Variants in USP26 observed in about 807,000 individuals in gnomAD.
USP26 encodes ubiquitin carboxyl-terminal hydrolase 26.
For missense variants in USP26, 649 were observed against 642.3 expected (o/e 1.01, Z -0.11); for synonymous variants, 236 against 240.6 (o/e 0.98, Z 0.18).
chrX:133,070,196 G>A (rs1295505440), intron 5 of USP26, among the ~76,000 whole-genome samples: 1 of 111,078 alleles, frequency 9.0e-6, no homozygotes, highest in African/African-American at 3.3e-5. Context: ...GGGTAGAAGG[G>A]GATAGAGAAA....
intron 5 of USP26, among the ~76,000 whole-genome samples, chrX:133,073,536 TA>T (rs2067537154): frequency 9.0e-6 from 1 of 110,678 alleles, no homozygotes; most frequent in African/African-American, 3.3e-5. Flanking sequence ...TAGCGCTTAC[TA>T]CTTTCTACCT....
At chrX:133,043,149 A>G (rs2067425661) in intron 5 of USP26, among the ~76,000 whole-genome samples, 1 of 111,833 alleles carries the variant, frequency 8.9e-6, no homozygotes, top group Non-Finnish European at 1.9e-5. Flanking sequence ...CAGAAAAAGG[A>G]TGAGAATTTT....
In USP26 at chrX:133,069,317, T is replaced by G. The variant is rs750081678; in HGVS notation, c.-77+14390A>C. ...GAGAGGAAAGGAAAACGAATATCTTTTATTTGTTAGAGAACAAATCTAAGG... is the reference window on the plus strand; with the variant it reads ...GAGAGGAAAGGAAAACGAATATCTTGTATTTGTTAGAGAACAAATCTAAGG... On this transcript the variant is annotated intron_variant, in intron 5 of 5. Transcript: ENST00000511190. Among the ~76,000 whole-genome samples the G allele has an allele frequency of 1.7e-4, 19 of 112,019 alleles. 1 individual carries two copies. The highest frequency in any genetic ancestry group is 1.3e-4 in the Non-Finnish European group (7 of 53,211).
At chrX:133,089,163 A>G (rs1413252064) in intron 4 of USP26, among the ~76,000 whole-genome samples, 1 of 111,010 alleles carries the variant, frequency 9.0e-6, no homozygotes, top group East Asian at 2.8e-4. Context: ...ACTTCAGATT[A>G]CATGATGCTA....
intron 4 of USP26, among the ~76,000 whole-genome samples, chrX:133,087,326 T>C (rs2067593164): frequency 1.8e-5 from 2 of 112,461 alleles, no homozygotes; most frequent in African/African-American, 6.5e-5. Flanking sequence ...ATATTTTTCA[T>C]AGAAAGATTA....
intron 1 of USP26, among the ~76,000 whole-genome samples, chrX:133,094,794 A>C (rs975014664): frequency 8.9e-6 from 1 of 111,892 alleles, no homozygotes; most frequent in Non-Finnish European, 1.9e-5. Flanking sequence ...GCATTTTTAC[A>C]TTAAAAATAC....
chrX:133,068,539 C>T (rs2067520028), intron 5 of USP26, among the ~76,000 whole-genome samples: 3 of 113,033 alleles, frequency 2.7e-5, no homozygotes, highest in Non-Finnish European at 5.6e-5. Flanking sequence ...AAGCCTCACC[C>T]TTCTCTCAAT....
chrX:133,043,277 T>G (rs966533798), intron 5 of USP26, among the ~76,000 whole-genome samples: 1 of 112,299 alleles, frequency 8.9e-6, no homozygotes, highest in African/African-American at 3.2e-5. Context: ...AAGCCTACTG[T>G]AGGCCAATGA....
At position 133,024,489 on chromosome X, in the gene USP26, G is replaced by A. The variant is rs1227676846; in HGVS notation, c.*990C>T. ...GGAAATGTGGGCCAATTTCTTAAAA[G>A]CAAATCAATCTGGAGATTTGACTTG... On this transcript the variant is annotated 3_prime_UTR_variant, in exon 6 of 6. Transcript: ENST00000511190. 1 of 111,745 alleles carries A rather than the reference G, an allele frequency of 8.9e-6. No homozygotes were observed. The highest frequency in any genetic ancestry group is 3.2e-5 in the African/African-American group (1 of 30,799). The allele number at this position is 111,745 out of a possible 1,213,427, so 9.2% of individuals were successfully genotyped here.
chrX:133,039,879 A>G (rs2055566105), intron 5 of USP26, among the ~76,000 whole-genome samples: 1 of 111,722 alleles, frequency 9.0e-6, no homozygotes, highest in African/African-American at 3.3e-5. Context: ...GTGCTCCTGT[A>G]TCGGGTGCAT....
At chrX:133,085,773 G>T (rs780127698) in intron 4 of USP26, among the ~76,000 whole-genome samples, 1 of 111,491 alleles carries the variant, frequency 9.0e-6, no homozygotes, top group East Asian at 2.8e-4. Flanking sequence ...AGAAAGCATA[G>T]ATTTACTGCA....
chrX:133,045,626 C>A (rs1377670187), intron 5 of USP26, among the ~76,000 whole-genome samples: 1 of 111,368 alleles, frequency 9.0e-6, no homozygotes, highest in East Asian at 2.8e-4. Context: ...CAACTCCAGA[C>A]GGGCCGCCTT....
chrX:133,041,666 T>C (rs1332730333), intron 5 of USP26, among the ~76,000 whole-genome samples: 1 of 112,486 alleles, frequency 8.9e-6, no homozygotes, highest in African/African-American at 3.2e-5. Context: ...TCAGGAGTCA[T>C]GGAAGACAGG....
At chrX:133,063,054 AAC>A (rs2067498696) in intron 5 of USP26, among the ~76,000 whole-genome samples, 1 of 111,340 alleles carries the variant, frequency 9.0e-6, no homozygotes, top group Non-Finnish European at 1.9e-5. Flanking sequence ...GGAGCTGAAA[AAC>A]ACAGCACAGG....
intron 4 of USP26, among the ~76,000 whole-genome samples, chrX:133,088,798 G>A (rs1187907714): frequency 8.9e-6 from 1 of 112,076 alleles, no homozygotes; most frequent in Non-Finnish European, 1.9e-5. Flanking sequence ...GCAGTGGGTA[G>A]AACAAGTGTG....
chrX:133,060,584 A>T (rs1031844739), intron 5 of USP26, among the ~76,000 whole-genome samples: 12 of 111,827 alleles, frequency 1.1e-4, no homozygotes, highest in African/African-American at 3.9e-4. Context: ...ATTCTAAAAT[A>T]TCTATTTAAA....
At chrX:133,031,847 G>C (rs961933822) in intron 5 of USP26, among the ~76,000 whole-genome samples, 4 of 111,856 alleles carry the variant, frequency 3.6e-5, no homozygotes, top group Admixed American at 1.9e-4. Context: ...AACTGCTAAA[G>C]AAAACAAAGT....
chrX:133,044,579 G>A lies in USP26; in HGVS notation c.-76-16283C>T, dbSNP rs772804312. Among the ~76,000 whole-genome samples the A allele has an allele frequency of 8.8e-5, 10 of 113,207 alleles. No individual in the cohort carries two copies. In the South Asian group the frequency reaches 1.8e-3, roughly 20 times the overall value. On this transcript the variant is annotated intron_variant, in intron 5 of 5. Coordinates refer to ENST00000511190, the MANE Select transcript of USP26 (RefSeq NM_031907.3). ...AGCAGTGCCGGCCCACTGGCGGTGC[G>A]CTCGATTTTTCACACGGCCTTAGCT...
chrX:133,042,141 G>T (rs1244238943), intron 5 of USP26, among the ~76,000 whole-genome samples: 3 of 111,937 alleles, frequency 2.7e-5, no homozygotes, highest in Non-Finnish European at 5.6e-5. Flanking sequence ...TTAGCTTGCT[G>T]GGCTCCATGG....
Sources: gnomAD v4.1 joint callset for allele counts (sites outside exome capture counted in the v4.1 genomes callset) on GRCh38, gnomAD v4.1.1 for gene constraint, MANE v1.5 for transcripts, NCBI Gene and HGNC (gene_info 2026-07-23, HGNC 2026-07-21) for gene names.